Variants in RBM48 observed in about 807,000 individuals in gnomAD.
The protein encoded by RBM48 is RNA-binding protein 48.
RBM48 carries 32 observed loss-of-function variants against 34.8 expected under a neutral mutation model. The ratio of observed to expected loss-of-function variants is 0.92; its 90% CI spans 0.69 to 1.23. The LOEUF is 1.23. Among genes scored for constraint, RBM48 ranks in the 50% most tolerant of loss-of-function variants. The pLI is 0.00. For missense variants in RBM48, 441 were observed against 447.2 expected, an observed-to-expected ratio of 0.99 and a Z score of 0.12; for synonymous variants, 151 against 156.2, an observed-to-expected ratio of 0.97 and a Z score of 0.25.
rs1479935653 is a variant in RBM48 at position 92,537,733 on chromosome 7, C to A, written c.*796C>A. 8 of 152,240 alleles carry A rather than the reference C, an allele frequency of 5.3e-5. No homozygotes were observed. The highest frequency in any genetic ancestry group is 1.9e-4 in the African/African-American group (8 of 41,468). The allele number at this position is 152,240 out of a possible 1,614,324, so 9.4% of individuals were successfully genotyped here. A position where few individuals can be genotyped will look rare whatever the true frequency, so the allele number is the denominator to read the frequency against. On this transcript the variant is annotated 3_prime_UTR_variant, in exon 5 of 5. Transcript: ENST00000265732. ...AAAAATACATCAGTATTTATAAATT[C>A]TAGACTTCTGTTACTACTTCTGGCA...
intron 2 of RBM48, 72 bp downstream of exon 2, chr7:92,529,738 G>A: frequency 1.0e-6 from 1 of 972,326 alleles, no homozygotes; most frequent in South Asian, 1.7e-5. Flanking sequence ...TTGGCCCCAA[G>A]TTTCCCTCAT....
At chr7:92,529,323 G>A in intron 1 of RBM48, 153 bp from the exon 2 acceptor site, 1 of 589,906 alleles carries the variant, frequency 1.7e-6, no homozygotes, top group Admixed American at 3.2e-5. Context: ...TCTTTATGCA[G>A]AAGGAATGGC....
Position 92,532,401 on chromosome 7 carries a change from C to T in RBM48, c.303-3C>T. On this transcript the variant is annotated splice_polypyrimidine_tract_variant and splice_region_variant and intron_variant, in intron 2 of 4. Transcript: ENST00000265732. ...AACTATGCTATCTTGTATTTCCATTCAGGACAGCCAAGAGAAAAATGGATG... is the reference window on the plus strand; with the variant it reads ...AACTATGCTATCTTGTATTTCCATTTAGGACAGCCAAGAGAAAAATGGATG... 6.2e-7 allele frequency: 1 copy of T among 1,600,356 alleles called. No individual in the cohort carries two copies. Among genetic ancestry groups the T allele is most frequent in the Non-Finnish European group, 8.5e-7 (1 of 1,174,776 alleles).
rs1421226663 is a variant in RBM48, at chr7:92,539,197, TG to T, written c.*2261del. Among the ~76,000 whole-genome samples, 3 of 152,232 alleles carry T rather than the reference TG, an allele frequency of 2.0e-5. No individual in the cohort carries two copies. The highest frequency in any genetic ancestry group is 1.3e-4 in the Admixed American group (2 of 15,286). On this transcript the variant is annotated 3_prime_UTR_variant, in exon 5 of 5. Coordinates refer to ENST00000265732, the MANE Select transcript of RBM48 (RefSeq NM_032120.4). ...GCTGTTCCATCCTAAGCAGTTACTC[TG>T]ATCTAGTCCATTATGCTATATACTG...
At chr7:92,529,728 T>G (rs1489364987) in intron 2 of RBM48, 62 bp downstream of exon 2, 2 of 1,144,238 alleles carry the variant, frequency 1.7e-6, no homozygotes, top group Non-Finnish European at 2.5e-6. Flanking sequence ...TTCTGTCATT[T>G]TGGCCCCAAG....
chr7:92,538,297 G>A lies in RBM48; in HGVS notation c.*1360G>A, dbSNP rs764636162. 6.6e-6 allele frequency among the ~76,000 whole-genome samples: 1 copy of A among 152,186 alleles called. No homozygotes were observed. The highest frequency in any genetic ancestry group is 1.5e-5 in the Non-Finnish European group (1 of 68,032). ...TCTGCGTGAAAGGGTTGTGATAGAC[G>A]GAGCAAGTGATCTATAGGCAACACA... On this transcript the variant is annotated 3_prime_UTR_variant, in exon 5 of 5. Transcript: ENST00000265732.
rs200129329 is a variant in RBM48, at chr7:92,530,983, G to A, written c.302+1317G>A. 9.2e-5 allele frequency among the ~76,000 whole-genome samples: 14 copies of A among 152,138 alleles called. No individual in the cohort carries two copies. The East Asian group carries it at 1.2e-3, about 13-fold the overall frequency. ...TGTAGTTCCAGCTACTTGGGAGGCC[G>A]AGGTAGGAGAATCAGTTGAGCCCAG... On this transcript the variant is annotated intron_variant, in intron 2 of 4. Transcript: ENST00000265732.
At position 92,539,272 on chromosome 7, in the gene RBM48, T is replaced by G. The variant is rs1793802239; in HGVS notation, c.*2335T>G. On this transcript the variant is annotated 3_prime_UTR_variant, in exon 5 of 5. Transcript: ENST00000265732. ...TGGAAGCCTGCCTTTTACACATTGC[T>G]TTTTACCACACGTTTCCAGAAAGTT... is the stretch of plus-strand genomic sequence containing the variant. 6.6e-6 allele frequency among the ~76,000 whole-genome samples: 1 copy of G among 152,226 alleles called. No homozygotes were observed. Among genetic ancestry groups the G allele is most frequent in the Admixed American group, 6.5e-5 (1 of 15,290 alleles).
At position 92,538,104 on chromosome 7, in the gene RBM48, A is replaced by G. The variant is rs1357909595; in HGVS notation, c.*1167A>G. The stretch of plus-strand genomic sequence containing the variant: ...CAGTTAATAAGGTTCAATTTCAGCT[A>G]TGATGTACTTGTAGCAGGACGAGCT... On this transcript the variant is annotated 3_prime_UTR_variant, in exon 5 of 5. Transcript: ENST00000265732. 2 of 152,224 alleles carry G rather than the reference A, an allele frequency of 1.3e-5. No homozygotes were observed. Among genetic ancestry groups the G allele is most frequent in the Non-Finnish European group, 1.5e-5 (1 of 68,048 alleles). 9.4% of individuals were successfully genotyped at this position (152,224 alleles called of 1,614,324 possible).
Position 92,534,817 on chromosome 7 carries a change from A to G in RBM48, c.864A>G (p.Arg288=), listed in dbSNP as rs781762824. 1 of 1,614,204 alleles carries G rather than the reference A, an allele frequency of 6.2e-7. No homozygotes were observed. The highest frequency in any genetic ancestry group is 1.1e-5 in the South Asian group (1 of 91,088). ...TTQLQERKRR[R]EDDRKLGTFL... is the part of the protein sequence containing the mutation. ...AACTGCAGGAGCGCAAAAGAAGAAG[A>G]GAAGATGATCGTAAACTTGGAACTT... The change falls in exon 4 of 5, where the codon AGA becomes AGG. Residue 288 remains arginine (R), a synonymous_variant. Coordinates refer to ENST00000265732, the MANE Select transcript of RBM48 (RefSeq NM_032120.4).
At position 92,538,767 on chromosome 7, in the gene RBM48, T is replaced by TA. The variant is rs1307749097; in HGVS notation, c.*1831dup. Among the ~76,000 whole-genome samples, 8 of 152,090 alleles carry TA rather than the reference T, an allele frequency of 5.3e-5. No individual in the cohort carries two copies. The highest frequency in any genetic ancestry group is 2.0e-4 in the Admixed American group (3 of 15,260). ...GCTGTGGGGAGGGAAAATGAGGAGT[T>TA]ACGGTTTAATGGGCATAGAATTTCA... On this transcript the variant is annotated 3_prime_UTR_variant, in exon 5 of 5. Coordinates refer to ENST00000265732, the MANE Select transcript of RBM48 (RefSeq NM_032120.4).
intron 3 of RBM48, among the ~76,000 whole-genome samples, chr7:92,533,276 G>C (rs1013380801): frequency 5.9e-5 from 9 of 152,202 alleles, no homozygotes; most frequent in Non-Finnish European, 1.3e-4. Flanking sequence ...AGGAAAACTT[G>C]TATGTTTGTG....
chr7:92,532,538 C>T lies in RBM48; in HGVS notation c.437C>T (p.Thr146Ile). 2 of 1,610,274 alleles carry T rather than the reference C, an allele frequency of 1.2e-6. No individual in the cohort carries two copies. Among genetic ancestry groups the T allele is most frequent in the Non-Finnish European group, 1.7e-6 (2 of 1,178,130 alleles). ...CGGAAGGCATATGTAGTAAAAACTA[C>T]TGAAAATAAAGGTATGGAAAGCATA... Reference protein sequence around the residue: ...QMRKAYVVKTTENKDHYVTKK... With the variant: ...QMRKAYVVKTIENKDHYVTKK... Residue 146 changes from threonine to isoleucine, a missense_variant, in exon 3 of 5, where the codon ACT (threonine) becomes ATT (isoleucine). By Grantham distance (89) the Thr-to-Ile change is moderately conservative (BLOSUM62 -1). Transcript: ENST00000265732.
Position 92,536,484 on chromosome 7 carries a change from C to A in RBM48, c.1018-367C>A, listed in dbSNP as rs150671654. On this transcript the variant is annotated intron_variant, in intron 4 of 4. Transcript: ENST00000265732. ...GCTCATTTCTCCAAAGGTTTTCATC[C>A]CCCCAAATCTATCAAACGTTATCAG... The A allele has an allele frequency of 2.2e-4, 213 of 988,370 alleles. 2 individuals are homozygous for A. In the South Asian group the frequency reaches 8.5e-3, roughly 39 times the overall value. 61.2% of individuals were successfully genotyped at this position (988,370 alleles called of 1,614,324 possible).
chr7:92,528,853 CACCA>C lies in RBM48; in HGVS notation c.41_44del (p.His14ProfsTer22). ...CGGGGAGCTAGGGAGTTTATTTGATCACCACGTCCAGAGGGCGGTATGCGACACA... is the reference window on the plus strand; with the variant it reads ...CGGGGAGCTAGGGAGTTTATTTGATCCGTCCAGAGGGCGGTATGCGACACA... On this transcript the variant is annotated frameshift_variant, in exon 1 of 5. Coordinates refer to ENST00000265732, the MANE Select transcript of RBM48 (RefSeq NM_032120.4). LOFTEE classifies it high-confidence loss of function. 1.2e-6 allele frequency: 2 copies of C among 1,614,110 alleles called. No individual in the cohort carries two copies. Among genetic ancestry groups the C allele is most frequent in the Middle Eastern group, 1.6e-4 (1 of 6,062 alleles).
intron 2 of RBM48, 44 bp downstream of exon 2, chr7:92,529,710 A>G (rs1193336799): frequency 3.1e-6 from 4 of 1,285,384 alleles, no homozygotes; most frequent in Non-Finnish European, 4.3e-6. Context: ...CATTTCTTCC[A>G]TTCATATTTC....
Position 92,537,738 on chromosome 7 carries a change from C to T in RBM48, c.*801C>T, listed in dbSNP as rs1241655109. ...TACATCAGTATTTATAAATTCTAGA[C>T]TTCTGTTACTACTTCTGGCATATCC... On this transcript the variant is annotated 3_prime_UTR_variant, in exon 5 of 5. Transcript: ENST00000265732. 1 of 152,246 alleles carries T rather than the reference C, an allele frequency of 6.6e-6. No individual in the cohort carries two copies. The highest frequency in any genetic ancestry group is 2.4e-5 in the African/African-American group (1 of 41,464). 9.4% of individuals were successfully genotyped at this position (152,246 alleles called of 1,614,324 possible). A position where few individuals can be genotyped will look rare whatever the true frequency, so the allele number is the denominator to read the frequency against.
In RBM48 at chr7:92,539,690, C is replaced by G. The variant is rs1585282206; in HGVS notation, c.*2753C>G. 2.6e-5 allele frequency among the ~76,000 whole-genome samples: 4 copies of G among 152,112 alleles called. No individual in the cohort carries two copies. The highest frequency in any genetic ancestry group is 3.8e-4 in the East Asian group (2 of 5,200). ...CTCCAGTCTGGGCAACAGACGGAGA[C>G]TGTGTCTCAAAAAAAAGTGTTCTTG... On this transcript the variant is annotated 3_prime_UTR_variant, in exon 5 of 5. Coordinates refer to ENST00000265732, the MANE Select transcript of RBM48 (RefSeq NM_032120.4).
intron 4 of RBM48, chr7:92,536,650 A>G: frequency 8.3e-7 from 1 of 1,204,650 alleles, no homozygotes; most frequent in Non-Finnish European, 1.0e-6. Context: ...TAGCTTTAGA[A>G]ATTTTACTGT....
Sources: gnomAD v4.1 joint callset for allele counts (sites outside exome capture counted in the v4.1 genomes callset) on GRCh38, gnomAD v4.1.1 for gene constraint, MANE v1.5 for transcripts, NCBI Gene and HGNC (gene_info 2026-07-23, HGNC 2026-07-21) for gene names.